Variants in MORC1 observed in about 807,000 individuals in gnomAD.
MORC1 encodes the protein MORC family CW-type zinc finger protein 1.
A neutral mutation model predicts 134.9 loss-of-function variants in MORC1; 59 were observed. The observed-to-expected ratio is 0.44, with a 90% CI of 0.35 to 0.54. The LOEUF is 0.54. Ranked by LOEUF, MORC1 falls within the 20% of genes least tolerant of loss-of-function variation. The pLI, the probability that MORC1 is intolerant of heterozygous loss-of-function variation, is 0.00. For synonymous variants in MORC1, 395 were observed against 391.7 expected (o/e 1.01, Z -0.10); for missense variants, 947 against 1,134.5 (o/e 0.83, Z 2.37).
At chr3:109,101,097 G>A (rs1950917153) in intron 4 of MORC1, among the ~76,000 whole-genome samples, 1 of 152,110 alleles carries the variant, frequency 6.6e-6, no homozygotes, top group African/African-American at 2.4e-5. Flanking sequence ...GGTGTAAGAG[G>A]CAACTACGTA....
intron 8 of MORC1, among the ~76,000 whole-genome samples, chr3:109,086,969 G>C (rs1217053379): frequency 6.6e-6 from 1 of 152,072 alleles, no homozygotes; most frequent in Admixed American, 6.6e-5. Context: ...ATCCCAAGTA[G>C]CAAAATAATT....
chr3:108,986,926 A>T lies in MORC1; in HGVS notation c.2211T>A (p.Asp737Glu), dbSNP rs751008794. The T allele has an allele frequency of 7.6e-6, 12 of 1,576,862 alleles. No individual in the cohort carries two copies. In the South Asian group the frequency reaches 1.4e-4, roughly 19 times the overall value. The change falls in exon 22 of 28, where the codon GAT (aspartate) becomes GAA (glutamate). Residue 737 changes from aspartate (D) to glutamate (E), a missense_variant. Physicochemically the swap from Asp to Glu is conservative, Grantham distance 45. This residue lies in a region of MORC1 where 722 missense variants were observed against 817.0 expected (regional missense o/e 0.88). Transcript: ENST00000232603. ...IILVSDKSNT[D>E]VSLKQEKKEI... is the part of the protein sequence containing the mutation. ...CCTTTTTTTCTTGTTTCAATGAAAC[A>T]TCAGTGTTGCTTTTATCTGAAACCT... is the stretch of plus-strand genomic sequence containing the variant.
chr3:109,074,288 G>A (rs1446825727), intron 8 of MORC1, among the ~76,000 whole-genome samples: 1 of 152,172 alleles, frequency 6.6e-6, no homozygotes, highest in Admixed American at 6.6e-5. Context: ...TGCATGGCAT[G>A]CCTTTTTTAC....
intron 13 of MORC1, 56 bp from the exon 14 acceptor site, chr3:109,054,938 A>T: frequency 1.4e-6 from 2 of 1,461,480 alleles, no homozygotes; most frequent in Non-Finnish European, 1.9e-6. Context: ...AAAAAAATCA[A>T]ATATATTCTG....
intron 17 of MORC1, among the ~76,000 whole-genome samples, chr3:109,012,576 T>C (rs1244277266): frequency 6.6e-6 from 1 of 152,206 alleles, no homozygotes; most frequent in Non-Finnish European, 1.5e-5. Flanking sequence ...TTATGTGTTT[T>C]ATTTAATGTT....
chr3:108,984,416 T>A (rs1425941715), intron 23 of MORC1, among the ~76,000 whole-genome samples: 1 of 152,128 alleles, frequency 6.6e-6, no homozygotes, highest in Non-Finnish European at 1.5e-5. Flanking sequence ...TCATACCTTA[T>A]ATATGTGTGA....
intron 23 of MORC1, among the ~76,000 whole-genome samples, chr3:108,983,323 CA>C (rs1435194956): frequency 6.6e-6 from 1 of 152,038 alleles, no homozygotes; most frequent in African/African-American, 2.4e-5. Context: ...TCCCTACTCT[CA>C]TGGAGTGCAT....
In MORC1 at chr3:109,054,887, G is replaced by T; in HGVS notation, c.1176-5C>A. On this transcript the variant is annotated splice_region_variant and splice_polypyrimidine_tract_variant and intron_variant, in intron 13 of 27. Transcript: ENST00000232603. Reference sequence around the variant, plus strand: ...CCAACCACGCCTGCGCCAAGTCTGAGAAAATATATGCATATTTAAATTTTG... The same window carrying T: ...CCAACCACGCCTGCGCCAAGTCTGATAAAATATATGCATATTTAAATTTTG... 1 of 1,590,190 alleles carries T rather than the reference G, an allele frequency of 6.3e-7. No homozygotes were observed. The highest frequency in any genetic ancestry group is 8.5e-7 in the Non-Finnish European group (1 of 1,173,720).
chr3:108,999,964 C>T (rs1055056022), intron 21 of MORC1, among the ~76,000 whole-genome samples: 1 of 152,082 alleles, frequency 6.6e-6, no homozygotes. Flanking sequence ...GTCCTTGAAT[C>T]ATTTCCTCCT....
At position 109,104,546 on chromosome 3, in the gene MORC1, C is replaced by T. The variant is rs116545411; in HGVS notation, c.155-629G>A. Among the ~76,000 whole-genome samples, 198 of 152,182 alleles carry T rather than the reference C, an allele frequency of 1.3e-3. 1 individual carries two copies. In the Middle Eastern group the frequency reaches 0.014, roughly 10 times the overall value. On this transcript the variant is annotated intron_variant, in intron 3 of 27. Coordinates refer to ENST00000232603, the MANE Select transcript of MORC1 (RefSeq NM_014429.4). ...GGTTTACAAAAATGTTGGAGGTAGGCTGGGTGTGGTGACTTATGCCTATAA... is the reference window on the plus strand; with the variant it reads ...GGTTTACAAAAATGTTGGAGGTAGGTTGGGTGTGGTGACTTATGCCTATAA...
intron 17 of MORC1, among the ~76,000 whole-genome samples, chr3:109,007,864 A>G (rs1028523919): frequency 6.6e-6 from 1 of 152,100 alleles, no homozygotes; most frequent in African/African-American, 2.4e-5. Context: ...TATTCCATTA[A>G]TATGTGACCA....
At position 109,029,398 on chromosome 3, in the gene MORC1, C is replaced by T. The variant is rs570601458; in HGVS notation, c.1566-1509G>A. Among the ~76,000 whole-genome samples, 245 of 152,282 alleles carry T rather than the reference C, an allele frequency of 1.6e-3. 1 individual carries two copies. Among genetic ancestry groups the T allele is most frequent in the African/African-American group, 5.5e-3 (229 of 41,562 alleles). On this transcript the variant is annotated intron_variant, in intron 16 of 27. Coordinates refer to ENST00000232603, the MANE Select transcript of MORC1 (RefSeq NM_014429.4). ...TTATTCAGAAGGAAGAAACCTCAAGCATTTTATTAGAATGCAATTCATTCA... is the reference window on the plus strand; with the variant it reads ...TTATTCAGAAGGAAGAAACCTCAAGTATTTTATTAGAATGCAATTCATTCA...
chr3:108,999,111 C>A (rs1948322722), intron 21 of MORC1, among the ~76,000 whole-genome samples: 1 of 152,168 alleles, frequency 6.6e-6, no homozygotes, highest in African/African-American at 2.4e-5. Context: ...TTTACAACAC[C>A]AGTTGCAGTT....
At chr3:109,027,959 A>G in intron 16 of MORC1, 70 bp from the exon 17 acceptor site, 2 of 1,490,716 alleles carry the variant, frequency 1.3e-6, no homozygotes, top group South Asian at 2.5e-5. Context: ...GTAAAAGACG[A>G]TTTACTTCTA....
chr3:109,062,208 A>G (rs1420540628), intron 10 of MORC1, 150 bp from the exon 11 acceptor site: 1 of 673,918 alleles, frequency 1.5e-6, no homozygotes, highest in Admixed American at 2.7e-5. Context: ...ACTTTTACAC[A>G]TGTTAAATTT....
chr3:109,111,846 T>C (rs1463558034), intron 2 of MORC1, among the ~76,000 whole-genome samples: 2 of 152,198 alleles, frequency 1.3e-5, no homozygotes, highest in Non-Finnish European at 2.9e-5. Flanking sequence ...GCCTAGAAGT[T>C]AGTCCCATAT....
chr3:109,040,990 G>C (rs369337816), intron 14 of MORC1, among the ~76,000 whole-genome samples: 1 of 151,960 alleles, frequency 6.6e-6, no homozygotes, highest in East Asian at 1.9e-4. Flanking sequence ...AATCACTAGA[G>C]GGATACAGAG....
At chr3:109,061,844 T>C in intron 11 of MORC1, 144 bp downstream of exon 11, 1 of 760,844 alleles carries the variant, frequency 1.3e-6, no homozygotes, top group Non-Finnish European at 2.2e-6. Context: ...CTATTCTGTT[T>C]ACCTGAGTTA....
In MORC1 at chr3:109,110,791, C is replaced by T; in HGVS notation, c.120-8G>A. ...CTTTCAGCCCCTGCATCTCTGGAAA[C>T]AATACAAAAATATTATTTCTTCAAT... On this transcript the variant is annotated splice_region_variant and splice_polypyrimidine_tract_variant and intron_variant, in intron 2 of 27. Transcript: ENST00000232603. 2 of 1,580,882 alleles carry T rather than the reference C, an allele frequency of 1.3e-6. No homozygotes were observed. The highest frequency in any genetic ancestry group is 2.0e-5 in the Admixed American group (1 of 50,738).
Sources: allele counts gnomAD v4.1 joint callset (sites outside exome capture counted in the v4.1 genomes callset), GRCh38; gene constraint gnomAD v4.1.1; regional missense constraint gnomAD v4.1.1; transcripts MANE v1.5; gene names NCBI Gene and HGNC (gene_info 2026-07-23, HGNC 2026-07-21).